Variants in ISM1 observed in about 807,000 individuals in gnomAD.
The protein encoded by ISM1 is isthmin-1.
A neutral mutation model predicts 46.3 loss-of-function variants in ISM1; 25 were observed. That is an observed-to-expected ratio of 0.54 (90% confidence interval 0.39 to 0.75). ISM1 has a LOEUF of 0.75. ISM1 is among the 30% of genes least tolerant of loss of function. The pLI, the probability that ISM1 is intolerant of heterozygous loss-of-function variation, is 0.00. For missense variants in ISM1, 536 were observed against 625.4 expected, an observed-to-expected ratio of 0.86 and a Z score of 1.52; for synonymous variants, 255 against 256.7, an observed-to-expected ratio of 0.99 and a Z score of 0.06.
At chr20:13,288,461 T>A in intron 3 of ISM1, 79 bp from the exon 4 acceptor site, 1 of 1,465,586 alleles carries the variant, frequency 6.8e-7, no homozygotes, top group Non-Finnish European at 9.4e-7. Context: ...TAGAAGTGAA[T>A]AATTGACAGG....
the ISM1 span, among the ~76,000 whole-genome samples, chr20:13,323,100 A>C: frequency 6.6e-6 from 1 of 152,126 alleles, no homozygotes; most frequent in Non-Finnish European, 1.5e-5. Flanking sequence ...CGGAGGAAAA[A>C]TAGGAACTAA....
intron 1 of ISM1, among the ~76,000 whole-genome samples, chr20:13,247,321 C>A: frequency 6.6e-6 from 1 of 150,502 alleles, no homozygotes; most frequent in South Asian, 2.1e-4. Context: ...TTTCAACTTA[C>A]CAAAAACACA....
intron 3 of ISM1, among the ~76,000 whole-genome samples, chr20:13,281,830 G>A (rs1374727888): frequency 2.0e-5 from 3 of 152,174 alleles, no homozygotes; most frequent in Non-Finnish European, 2.9e-5. Flanking sequence ...CACACAGAAC[G>A]TTGTTTCTAT....
chr20:13,255,577 C>G (rs957384947), intron 1 of ISM1, among the ~76,000 whole-genome samples: 2 of 152,156 alleles, frequency 1.3e-5, no homozygotes, highest in Non-Finnish European at 2.9e-5. Flanking sequence ...TAGGAGTTTT[C>G]TATGTGGATA....
intron 1 of ISM1, 23 bp downstream of exon 1, chr20:13,221,937 C>T (rs371037381): frequency 1.5e-6 from 2 of 1,315,786 alleles, no homozygotes; most frequent in Non-Finnish European, 9.6e-7. Context: ...CCGGAGAGGG[C>T]CGTGCGCGGC....
At chr20:13,276,390 T>A (rs1348363830) in intron 2 of ISM1, among the ~76,000 whole-genome samples, 1 of 151,922 alleles carries the variant, frequency 6.6e-6, no homozygotes, top group Admixed American at 6.6e-5. Context: ...CTAGTCAATG[T>A]ATTAATTTTC....
At chr20:13,234,596 C>G (rs1423594930) in intron 1 of ISM1, among the ~76,000 whole-genome samples, 5 of 152,216 alleles carry the variant, frequency 3.3e-5, no homozygotes, top group Non-Finnish European at 7.3e-5. Flanking sequence ...GCCCTTTTAG[C>G]CATGTCCTCG....
intron 5 of ISM1, among the ~76,000 whole-genome samples, chr20:13,296,567 G>A (rs2040409202): frequency 6.6e-6 from 1 of 152,218 alleles, no homozygotes; most frequent in Admixed American, 6.5e-5. Context: ...AGATGAAAGA[G>A]TGGCATGATC....
At chr20:13,275,380 A>C (rs1027702854) in intron 2 of ISM1, among the ~76,000 whole-genome samples, 8 of 152,196 alleles carry the variant, frequency 5.3e-5, no homozygotes, top group Non-Finnish European at 1.2e-4. Context: ...GAGGAATGGC[A>C]GGTCTGGCTG....
intron 2 of ISM1, among the ~76,000 whole-genome samples, chr20:13,277,369 C>G (rs555886501): frequency 7.8e-4 from 118 of 152,240 alleles, no homozygotes; most frequent in Non-Finnish European, 1.4e-3. Context: ...CCTCTCCCCT[C>G]CAAGACCCTT....
the ISM1 span, among the ~76,000 whole-genome samples, chr20:13,309,159 C>T: frequency 5.0e-4 from 76 of 152,036 alleles, 1 homozygote; most frequent in African/African-American, 1.8e-3. Flanking sequence ...CACCAACATA[C>T]ATAATAAAAA....
At chr20:13,295,827 C>T (rs2040401566) in intron 5 of ISM1, among the ~76,000 whole-genome samples, 1 of 152,188 alleles carries the variant, frequency 6.6e-6, no homozygotes, top group African/African-American at 2.4e-5. Context: ...TGAGAGCAGC[C>T]AGGGGGTGGA....
chr20:13,295,570 C>A (rs962282416), intron 5 of ISM1, among the ~76,000 whole-genome samples: 4 of 152,168 alleles, frequency 2.6e-5, no homozygotes, highest in African/African-American at 7.2e-5. Context: ...CCATTAGACA[C>A]CTCCAAGACC....
At chr20:13,316,806 C>T in the ISM1 span, among the ~76,000 whole-genome samples, 1 of 151,102 alleles carries the variant, frequency 6.6e-6, no homozygotes, top group Non-Finnish European at 1.5e-5. Flanking sequence ...ATAAAGAAAA[C>T]CTACAAAACA....
chr20:13,225,071 T>C (rs2039504822), intron 1 of ISM1, among the ~76,000 whole-genome samples: 1 of 151,428 alleles, frequency 6.6e-6, no homozygotes, highest in Non-Finnish European at 1.5e-5. Context: ...GCCAGGATGG[T>C]CTCACTCTCC....
the ISM1 span, among the ~76,000 whole-genome samples, chr20:13,305,853 G>A: frequency 1.4e-4 from 21 of 152,292 alleles, no homozygotes; most frequent in East Asian, 4.0e-3. Context: ...TTTAATTTCT[G>A]TGTAGAGATT....
intron 1 of ISM1, chr20:13,245,453 C>T (rs551126976): frequency 6.6e-6 from 1 of 152,320 alleles, no homozygotes; most frequent in South Asian, 2.1e-4. Context: ...GTTTGCCATA[C>T]CCTATTTGTC....
the ISM1 span, among the ~76,000 whole-genome samples, chr20:13,312,287 G>A: frequency 6.6e-6 from 1 of 152,204 alleles, no homozygotes; most frequent in Admixed American, 6.5e-5. Flanking sequence ...GCCGGCATAT[G>A]TGAGTTCACA....
Position 13,270,520 on chromosome 20 carries a change from G to A in ISM1, c.155G>A (p.Gly52Glu). The A allele has an allele frequency of 6.2e-7, 1 of 1,613,302 alleles. No homozygotes were observed. Among genetic ancestry groups the A allele is most frequent in the South Asian group, 1.1e-5 (1 of 90,858 alleles). Residue 52 changes from glycine to glutamate, a missense_variant, in exon 2 of 6, where the codon GGA becomes GAA. Physicochemically the swap from Gly to Glu is moderately conservative, Grantham distance 98 (BLOSUM62 -2). Around this residue, in one of 2 missense-constraint regions of ISM1, gnomAD observed 367 missense variants for 376.1 expected, o/e 0.98. Transcript: ENST00000262487. ...TTGTTTTAGAATAACCTCAACGTGG[G>A]AAGTGACACCACATCAGAAACCAGC... ...QAQLQNNLNV[G>E]SDTTSETSFS... is the part of the protein sequence containing the mutation.
Sources: gnomAD v4.1 joint callset for allele counts (sites outside exome capture counted in the v4.1 genomes callset) on GRCh38, gnomAD v4.1.1 for gene constraint, gnomAD v4.1.1 regional missense constraint, MANE v1.5 for transcripts, NCBI Gene and HGNC (gene_info 2026-07-23, HGNC 2026-07-21) for gene names.